The following MAGI2 variants were observed in gnomAD, a reference collection of about 807,000 sequenced individuals.
The protein encoded by MAGI2 is membrane associated guanylate kinase, WW and PDZ domain containing 2.
In MAGI2, 35 loss-of-function variants were observed where a neutral mutation model predicts 133.3. The ratio of observed to expected loss-of-function variants is 0.26; its 90% CI spans 0.20 to 0.35. MAGI2 has a LOEUF of 0.35. Ranked by LOEUF, MAGI2 falls within the 10% of genes least tolerant of loss-of-function variation. MAGI2 has a pLI of 1.00. For synonymous variants in MAGI2, 729 were observed against 710.6 expected, an observed-to-expected ratio of 1.03 and a Z score of -0.41; for missense variants, 1,636 against 1,863.4, an observed-to-expected ratio of 0.88 and a Z score of 2.25.
At chr7:78,520,499 T>C (rs766874610) in intron 4 of MAGI2, among the ~76,000 whole-genome samples, 4 of 151,960 alleles carry the variant, frequency 2.6e-5, no homozygotes, top group Non-Finnish European at 5.9e-5. Flanking sequence ...GTATGAAAGG[T>C]ACACACACTA....
chr7:78,279,039 G>C (rs1355256818), intron 9 of MAGI2, among the ~76,000 whole-genome samples: 1 of 152,162 alleles, frequency 6.6e-6, no homozygotes, highest in Non-Finnish European at 1.5e-5. Context: ...CAGGGGATAT[G>C]TGACAGGGGA....
chr7:79,427,434 CAA>C (rs1246237853), intron 1 of MAGI2, among the ~76,000 whole-genome samples: 4 of 152,060 alleles, frequency 2.6e-5, no homozygotes, highest in African/African-American at 9.6e-5. Context: ...AATGATTTTT[CAA>C]GGTGTCATGC....
intron 9 of MAGI2, among the ~76,000 whole-genome samples, chr7:78,286,334 T>A (rs568363375): frequency 1.1e-4 from 17 of 152,276 alleles, no homozygotes; most frequent in Admixed American, 9.8e-4. Flanking sequence ...GCTCATCATC[T>A]ACTAGGGGAG....
At chr7:78,371,671 A>C (rs1793929960) in intron 6 of MAGI2, among the ~76,000 whole-genome samples, 1 of 152,102 alleles carries the variant, frequency 6.6e-6, no homozygotes, top group Non-Finnish European at 1.5e-5. Flanking sequence ...CTTGGGTACA[A>C]TTTATTATAT....
At chr7:78,073,727 G>A (rs1397299139) in intron 21 of MAGI2, among the ~76,000 whole-genome samples, 1 of 152,150 alleles carries the variant, frequency 6.6e-6, no homozygotes, top group Non-Finnish European at 1.5e-5. Flanking sequence ...TGCTAATGAA[G>A]GAAGCCTGCA....
chr7:78,510,852 C>T (rs1795500795), intron 4 of MAGI2, among the ~76,000 whole-genome samples: 2 of 152,184 alleles, frequency 1.3e-5, no homozygotes. Context: ...ATCAGAAACG[C>T]AGCTCCCCAA....
chr7:78,285,543 A>G (rs1288791285), intron 9 of MAGI2, among the ~76,000 whole-genome samples: 1 of 152,130 alleles, frequency 6.6e-6, no homozygotes, highest in Admixed American at 6.6e-5. Flanking sequence ...CTATGGTCAT[A>G]AGACTGTTAA....
intron 9 of MAGI2, among the ~76,000 whole-genome samples, chr7:78,257,990 T>C (rs1414809000): frequency 6.6e-6 from 1 of 152,182 alleles, no homozygotes; most frequent in Non-Finnish European, 1.5e-5. Flanking sequence ...TGTAGGTGTA[T>C]AACATAAAAT....
rs550042101 is a variant in MAGI2 at position 78,218,586 on chromosome 7, T to C, written c.2048-17393A>G. Among the ~76,000 whole-genome samples, 19 of 152,320 alleles carry C rather than the reference T, an allele frequency of 1.2e-4. No individual in the cohort carries two copies. The South Asian group carries it at 3.7e-3, about 30-fold the overall frequency. On this transcript the variant is annotated intron_variant, in intron 10 of 21. Coordinates refer to ENST00000354212, the MANE Select transcript of MAGI2 (RefSeq NM_012301.4). ...CAGCTTATTTTTGAACAATTTCCCA[T>C]CTTCAAGTCACTTAACAAAGAAGCC... is the stretch of plus-strand genomic sequence containing the variant.
chr7:78,097,258 T>C (rs936475671), intron 20 of MAGI2, among the ~76,000 whole-genome samples: 1 of 152,132 alleles, frequency 6.6e-6, no homozygotes, highest in Admixed American at 6.5e-5. Flanking sequence ...GGTATGGCGA[T>C]TCCTCAAAGA....
intron 2 of MAGI2, among the ~76,000 whole-genome samples, chr7:78,737,431 C>G (rs749018831): frequency 6.6e-6 from 1 of 152,188 alleles, no homozygotes; most frequent in Non-Finnish European, 1.5e-5. Context: ...TTCGATTCTA[C>G]ATTGCAACTA....
At chr7:78,451,993 A>T (rs1788772965) in intron 6 of MAGI2, among the ~76,000 whole-genome samples, 1 of 152,048 alleles carries the variant, frequency 6.6e-6, no homozygotes, top group South Asian at 2.1e-4. Flanking sequence ...GGTTTCCTTT[A>T]TTTCCAAGAT....
chr7:78,031,484 A>G (rs1809563467), intron 21 of MAGI2, among the ~76,000 whole-genome samples: 1 of 152,224 alleles, frequency 6.6e-6, no homozygotes, highest in Non-Finnish European at 1.5e-5. Flanking sequence ...ACTTTGCTTT[A>G]TAGCTTCAAG....
intron 3 of MAGI2, among the ~76,000 whole-genome samples, chr7:78,625,524 A>G (rs1454078943): frequency 2.0e-5 from 3 of 152,154 alleles, no homozygotes; most frequent in African/African-American, 7.2e-5. Flanking sequence ...TTAATTTATT[A>G]TTGAAGAAAA....
In MAGI2 at chr7:79,099,679, A is replaced by T. The variant is rs71555023; in HGVS notation, c.302-92473T>A. ...TGTCTATTTTTCCCCTCTTTTTTCC[A>T]TGTGTACTTAATGTTTAGCTCCCAC... On this transcript the variant is annotated intron_variant, in intron 1 of 21. Transcript: ENST00000354212. 1.4e-4 allele frequency among the ~76,000 whole-genome samples: 21 copies of T among 151,586 alleles called. No individual in the cohort carries two copies. The East Asian group carries it at 3.9e-3, about 28-fold the overall frequency.
chr7:78,267,725 T>C (rs1312782284), intron 9 of MAGI2, among the ~76,000 whole-genome samples: 4 of 152,130 alleles, frequency 2.6e-5, no homozygotes, highest in Non-Finnish European at 5.9e-5. Flanking sequence ...ACTTTCTCCA[T>C]AGGGCATATA....
chr7:78,744,800 G>A (rs1453247184), intron 2 of MAGI2, among the ~76,000 whole-genome samples: 1 of 152,148 alleles, frequency 6.6e-6, no homozygotes, highest in Non-Finnish European at 1.5e-5. Flanking sequence ...TAGTCATATA[G>A]GCTAAATAGA....
At chr7:78,247,114 A>G (rs2150925847) in intron 10 of MAGI2, among the ~76,000 whole-genome samples, 1 of 152,246 alleles carries the variant, frequency 6.6e-6, no homozygotes, top group South Asian at 2.1e-4. Context: ...GCAGCTGCAT[A>G]TTGACCATGT....
rs1271281420 is a variant in MAGI2 at position 78,409,741 on chromosome 7, A to ACG, written c.1046-40530_1046-40529dup. Among the ~76,000 whole-genome samples the ACG allele has an allele frequency of 7.2e-5, 11 of 152,180 alleles. No homozygotes were observed. The South Asian group carries it at 8.3e-4, about 11-fold the overall frequency. ...AGAGTAGTGTGGATATAGATGAGAC[A>ACG]CGCAGATTTAGGTACATGTTTCTTG... On this transcript the variant is annotated intron_variant, in intron 6 of 21. Coordinates refer to ENST00000354212, the MANE Select transcript of MAGI2 (RefSeq NM_012301.4).
Sources: allele counts gnomAD v4.1 joint callset (sites outside exome capture counted in the v4.1 genomes callset), GRCh38; gene constraint gnomAD v4.1.1; transcripts MANE v1.5; gene names NCBI Gene and HGNC (gene_info 2026-07-23, HGNC 2026-07-21).